MPI: variants seen among roughly 807,000 people sequenced by gnomAD.
MPI encodes mannose phosphate isomerase, also known as mannose-6-phosphate isomerase.
A neutral mutation model predicts 40.1 loss-of-function variants in MPI; 33 were observed. The observed-to-expected ratio is 0.82, with a 90% CI of 0.62 to 1.10. The LOEUF (loss-of-function observed/expected upper bound fraction) is 1.10, where lower values mean the gene tolerates loss of function less well. MPI is among the 50% of genes least tolerant of loss of function. MPI has a pLI of 0.00. For missense variants in MPI, 514 were observed against 524.1 expected (o/e 0.98, Z 0.19); for synonymous variants, 187 against 207.4 (o/e 0.90, Z 0.85).
chr15:74,897,066 C>G lies in MPI; in HGVS notation c.900C>G (p.Pro300=). The G allele has an allele frequency of 6.2e-7, 1 of 1,614,160 alleles. No homozygotes were observed. Among genetic ancestry groups the G allele is most frequent in the Non-Finnish European group, 8.5e-7 (1 of 1,180,024 alleles). ...ACACAGTTCGTGCTGGCCTGACACC[C>G]AAGTTCATTGATGTGCCAACCCTGT... ...SDNTVRAGLT[P]KFIDVPTLCE... The change falls in exon 7 of 8, where the codon CCC becomes CCG. Residue 300 remains proline, a synonymous_variant. Coordinates refer to ENST00000352410, the MANE Select transcript of MPI (RefSeq NM_002435.3).
Position 74,897,549 on chromosome 15 carries a change from T to C in MPI, c.1091T>C (p.Leu364Pro). The C allele has an allele frequency of 1.2e-6, 2 of 1,614,140 alleles. No individual in the cohort carries two copies. Among genetic ancestry groups the C allele is most frequent in the Non-Finnish European group, 1.7e-6 (2 of 1,179,988 alleles). Residue 364 changes from leucine to proline, a missense_variant, in exon 8 of 8, where the codon CTG becomes CCG. Coordinates refer to ENST00000352410, the MANE Select transcript of MPI (RefSeq NM_002435.3). Reference sequence around the variant, plus strand: ...GTCACTGAATACAAGGTCTTGGCACTGGACTCTGCCAGCATCCTCCTGATG... The same window carrying C: ...GTCACTGAATACAAGGTCTTGGCACCGGACTCTGCCAGCATCCTCCTGATG... ...GSVTEYKVLA[L>P]DSASILLMVQ...
intron 7 of MPI, 122 bp downstream of exon 7, chr15:74,897,341 AG>A (rs2064835368): frequency 7.4e-7 from 1 of 1,357,494 alleles, no homozygotes; most frequent in Non-Finnish European, 1.0e-6. Flanking sequence ...GGGTGGCCCC[AG>A]GGCCTGCCCA....
rs2064708581 is a variant in MPI, at chr15:74,890,532, C to T, written c.22C>T (p.Pro8Ser). 3 of 1,614,054 alleles carry T rather than the reference C, an allele frequency of 1.9e-6. No individual in the cohort carries two copies. The highest frequency in any genetic ancestry group is 1.1e-5 in the South Asian group (1 of 91,084). The change falls in exon 2 of 8, where the codon CCA (proline) becomes TCA (serine). Residue 8 changes from proline to serine, a missense_variant. Coordinates refer to ENST00000352410, the MANE Select transcript of MPI (RefSeq NM_002435.3). ...GACCCTGTCTGTGCCCCTAGTATTCCCACTTTCCTGTGCGGTGCAGCAGTA... is the reference window on the plus strand; with the variant it reads ...GACCCTGTCTGTGCCCCTAGTATTCTCACTTTCCTGTGCGGTGCAGCAGTA... Reference protein sequence around the residue: MAAPRVFPLSCAVQQYAW... With the variant: MAAPRVFSLSCAVQQYAW...
Position 74,901,909 on chromosome 15 carries a change from T to C in MPI, c.*4179T>C, listed in dbSNP as rs1466014759. ...AATATGAACATGTCAGAGCAGTTTT[T>C]CTCTAACTAGGGAAGGGCAAACCAG... On this transcript the variant is annotated 3_prime_UTR_variant, in exon 8 of 8. Coordinates refer to ENST00000352410, the MANE Select transcript of MPI (RefSeq NM_002435.3). 2.5e-6 allele frequency: 1 copy of C among 393,722 alleles called. No individual in the cohort carries two copies. Among genetic ancestry groups the C allele is most frequent in the Non-Finnish European group, 4.5e-6 (1 of 223,462 alleles). 24.4% of individuals were successfully genotyped at this position (393,722 alleles called of 1,614,324 possible).
At chr15:74,896,764 A>C in intron 6 of MPI, 1 of 621,808 alleles carries the variant, frequency 1.6e-6, no homozygotes, top group Non-Finnish European at 2.9e-6. Flanking sequence ...CTGGGGTAGA[A>C]GTGGGAGACT....
rs557455089 is a variant in MPI, at chr15:74,890,139, G to C, written c.16+50G>C. ...CGAGTGTGTTCGTGGAGCGCGTCCT[G>C]GGGACGACTCCCGGCATTATCGGCC... is the stretch of plus-strand genomic sequence containing the variant. On this transcript the variant is annotated intron_variant, in intron 1 of 7. Transcript: ENST00000352410. 40 of 1,604,168 alleles carry C rather than the reference G, an allele frequency of 2.5e-5. No individual in the cohort carries two copies. In the Admixed American group the frequency reaches 5.0e-4, roughly 20 times the overall value.
intron 5 of MPI, among the ~76,000 whole-genome samples, chr15:74,894,795 A>G (rs1161113276): frequency 2.0e-5 from 3 of 149,272 alleles, no homozygotes; most frequent in East Asian, 2.3e-4. Context: ...TCGGAAAAAA[A>G]AAAAAGAAAA....
intron 5 of MPI, 36 bp from the exon 6 acceptor site, chr15:74,896,116 C>A: frequency 6.2e-7 from 1 of 1,611,488 alleles, no homozygotes; most frequent in South Asian, 1.1e-5. Flanking sequence ...ACTGAGTATC[C>A]CCCTAAGTGA....
chr15:74,892,998 T>C (rs1595818340), intron 4 of MPI, 140 bp from the exon 5 acceptor site: 16 of 1,337,858 alleles, frequency 1.2e-5, no homozygotes, highest in East Asian at 9.4e-5. Context: ...TGGTGAGTGA[T>C]TGGTTTCCAC....
intron 3 of MPI, among the ~76,000 whole-genome samples, chr15:74,892,339 G>A (rs1425631325): frequency 6.6e-6 from 1 of 152,174 alleles, no homozygotes; most frequent in African/African-American, 2.4e-5. Flanking sequence ...GAGAAGGGAG[G>A]GATTTACCAA....
At chr15:74,894,405 C>G (rs954053813) in intron 5 of MPI, among the ~76,000 whole-genome samples, 1 of 151,554 alleles carries the variant, frequency 6.6e-6, no homozygotes, top group African/African-American at 2.4e-5. Flanking sequence ...TTTAAAGAAG[C>G]CTGGCTGGGC....
rs982867414 is a variant in MPI at position 74,893,516 on chromosome 15, C to T, written c.670+196C>T. 4.4e-6 allele frequency: 3 copies of T among 677,766 alleles called. No homozygotes were observed. In the African/African-American group the frequency reaches 5.3e-5, roughly 12 times the overall value. The allele number at this position is 677,766 out of a possible 1,614,324, so 42.0% of individuals were successfully genotyped here. A position where few individuals can be genotyped will look rare whatever the true frequency, so the allele number is the denominator to read the frequency against. On this transcript the variant is annotated intron_variant, in intron 5 of 7. Transcript: ENST00000352410. Reference sequence around the variant, plus strand: ...CAGGGCCCTTCTTAGTTGAGTGCTGCTTCCCAACTGGTCATCTTCTCCAGA... The same window carrying T: ...CAGGGCCCTTCTTAGTTGAGTGCTGTTTCCCAACTGGTCATCTTCTCCAGA...
rs1202432300 is a variant in MPI, at chr15:74,893,311, T to A, written c.661T>A (p.Ser221Thr). The A allele has an allele frequency of 1.4e-5, 23 of 1,614,150 alleles. No homozygotes were observed. Among genetic ancestry groups the A allele is most frequent in the Non-Finnish European group, 1.9e-5 (23 of 1,180,008 alleles). The change falls in exon 5 of 8, where the codon TCC (serine) becomes ACC (threonine). Residue 221 changes from serine to threonine, a missense_variant. Transcript: ENST00000352410. ...GCTCAACCTGTTGGTGAAGCGGATCTCCCAGCAAGGTGGACACAGTTATAT... is the reference window on the plus strand; with the variant it reads ...GCTCAACCTGTTGGTGAAGCGGATCACCCAGCAAGGTGGACACAGTTATAT... Reference protein sequence around the residue: ...EQLNLLVKRISQQAAAGNNME... With the variant: ...EQLNLLVKRITQQAAAGNNME...
At chr15:74,891,164 T>C in intron 2 of MPI, 1 of 631,052 alleles carries the variant, frequency 1.6e-6, no homozygotes, top group Non-Finnish European at 2.8e-6. Context: ...CTAGTCCAAG[T>C]CTTCATAGAT....
At chr15:74,891,008 T>G (rs542679606) in intron 2 of MPI, 56 of 566,786 alleles carry the variant, frequency 9.9e-5, no homozygotes, top group Non-Finnish European at 1.8e-4. Context: ...TAGGAAGGCT[T>G]TCGCCTCTGC....
Position 74,899,486 on chromosome 15 carries a change from C to T in MPI, c.*1756C>T, listed in dbSNP as rs1297459855. ...ATTCTACAGAAGTGACTTGCAAGAGCCTATTTCACTCATGCCGTCCAGTGA... is the reference window on the plus strand; with the variant it reads ...ATTCTACAGAAGTGACTTGCAAGAGTCTATTTCACTCATGCCGTCCAGTGA... On this transcript the variant is annotated 3_prime_UTR_variant, in exon 8 of 8. Coordinates refer to ENST00000352410, the MANE Select transcript of MPI (RefSeq NM_002435.3). 1.3e-5 allele frequency: 2 copies of T among 152,198 alleles called. No homozygotes were observed. The highest frequency in any genetic ancestry group is 1.3e-4 in the Admixed American group (2 of 15,280). The allele number at this position is 152,198 out of a possible 1,614,324, so 9.4% of individuals were successfully genotyped here.
rs1241345977 is a variant in MPI, at chr15:74,899,312, C to G, written c.*1582C>G. On this transcript the variant is annotated 3_prime_UTR_variant, in exon 8 of 8. Transcript: ENST00000352410. The stretch of plus-strand genomic sequence containing the variant: ...TTTAAATTCATGCAAAAGAATCTTT[C>G]TGGGCTTCTGCCCACACTAGAGTCC... The G allele has an allele frequency of 1.3e-5, 2 of 152,206 alleles. No homozygotes were observed. The highest frequency in any genetic ancestry group is 2.9e-5 in the Non-Finnish European group (2 of 68,040). 9.4% of individuals were successfully genotyped at this position (152,206 alleles called of 1,614,324 possible).
chr15:74,895,823 CA>C, intron 5 of MPI: 3 of 367,040 alleles, frequency 8.2e-6, no homozygotes, highest in Non-Finnish European at 1.6e-5. Context: ...ACAGCCCCCA[CA>C]ATAAAGAATT....
At chr15:74,894,423 C>T (rs966141784) in intron 5 of MPI, among the ~76,000 whole-genome samples, 8 of 151,700 alleles carry the variant, frequency 5.3e-5, no homozygotes, top group African/African-American at 1.9e-4. Flanking sequence ...GGCACGGTGG[C>T]TCACACCTGT....
Sources: allele counts gnomAD v4.1 joint callset (sites outside exome capture counted in the v4.1 genomes callset), GRCh38; gene constraint gnomAD v4.1.1; transcripts MANE v1.5; gene names NCBI Gene and HGNC (gene_info 2026-07-23, HGNC 2026-07-21).